WDR27: variants seen among roughly 807,000 people sequenced by gnomAD.
WDR27 encodes WD repeat domain 27, also known as WD repeat-containing protein 27.
In WDR27, 100 loss-of-function variants were observed where a neutral mutation model predicts 114.4. The ratio of observed to expected loss-of-function variants is 0.87; its 90% CI spans 0.74 to 1.03. The LOEUF (loss-of-function observed/expected upper bound fraction) is 1.03. WDR27 is among the 50% of genes least tolerant of loss of function. The pLI is 0.00. For synonymous variants in WDR27, 449 were observed against 423.1 expected, an observed-to-expected ratio of 1.06 and a Z score of -0.75; for missense variants, 1,129 against 1,092.9, an observed-to-expected ratio of 1.03 and a Z score of -0.47.
chr6:169,661,046 C>T (rs1259761566), intron 9 of WDR27, among the ~76,000 whole-genome samples: 1 of 152,170 alleles, frequency 6.6e-6, no homozygotes, highest in Non-Finnish European at 1.5e-5. Context: ...TGGCTGTGAG[C>T]TCTCCGCAGG....
chr6:169,689,140 T>C, intron 1 of WDR27, 128 bp from the exon 2 acceptor site: 1 of 542,926 alleles, frequency 1.8e-6, no homozygotes. Flanking sequence ...TTTATTCACC[T>C]CTCCTCATCC....
intron 25 of WDR27, among the ~76,000 whole-genome samples, chr6:169,564,845 G>C (rs924909073): frequency 3.4e-5 from 4 of 116,542 alleles, no homozygotes; most frequent in African/African-American, 9.2e-5. Context: ...ATGTGCCTCA[G>C]GTAACCAAAC....
At chr6:169,492,833 C>T (rs1789944644) in intron 25 of WDR27, among the ~76,000 whole-genome samples, 1 of 152,074 alleles carries the variant, frequency 6.6e-6, no homozygotes. Context: ...ATATCTACTA[C>T]ATAAGCCACT....
intron 21 of WDR27, among the ~76,000 whole-genome samples, chr6:169,625,700 G>A (rs1268011696): frequency 6.6e-6 from 1 of 152,190 alleles, no homozygotes; most frequent in East Asian, 1.9e-4. Context: ...TGCTCCATGG[G>A]GTCAGAGCTT....
chr6:169,541,402 T>C (rs1056002096), intron 25 of WDR27, among the ~76,000 whole-genome samples: 1 of 152,232 alleles, frequency 6.6e-6, no homozygotes, highest in South Asian at 2.1e-4. Context: ...TTGATAATTC[T>C]CTATGGGGAT....
chr6:169,591,202 T>A (rs781508209), intron 23 of WDR27, among the ~76,000 whole-genome samples: 3 of 152,178 alleles, frequency 2.0e-5, no homozygotes, highest in Non-Finnish European at 4.4e-5. Context: ...GACTTGCATT[T>A]CCCTGATGAT....
chr6:169,691,813 T>C (rs188454784), intron 1 of WDR27, among the ~76,000 whole-genome samples: 10 of 152,332 alleles, frequency 6.6e-5, no homozygotes, highest in Admixed American at 2.0e-4. Flanking sequence ...TTATCATTAT[T>C]ACAGTGACCC....
intron 25 of WDR27, among the ~76,000 whole-genome samples, chr6:169,520,149 G>A (rs566726855): frequency 3.3e-5 from 5 of 152,186 alleles, no homozygotes; most frequent in Middle Eastern, 3.4e-3. Flanking sequence ...ATACCAAATC[G>A]GAGTGGCTGC....
chr6:169,508,919 T>A (rs138553217), intron 25 of WDR27, among the ~76,000 whole-genome samples: 3 of 152,354 alleles, frequency 2.0e-5, no homozygotes, highest in African/African-American at 7.2e-5. Context: ...TGTCCTGAGC[T>A]GCCCTCCACA....
intron 25 of WDR27, among the ~76,000 whole-genome samples, chr6:169,563,949 T>C (rs1764198913): frequency 6.6e-6 from 1 of 152,154 alleles, no homozygotes; most frequent in African/African-American, 2.4e-5. Flanking sequence ...ACTCATAGGA[T>C]AGATGATGAG....
At position 169,684,825 on chromosome 6, in the gene WDR27, C is replaced by A. The variant is rs1782487647; in HGVS notation, c.189+3992G>T. Among the ~76,000 whole-genome samples the A allele has an allele frequency of 6.6e-6, 1 of 152,184 alleles. No homozygotes were observed. Among genetic ancestry groups the A allele is most frequent in the Admixed American group, 6.5e-5 (1 of 15,284 alleles). On this transcript the variant is annotated intron_variant, in intron 2 of 25. Transcript: ENST00000448612. This position sits in a 1 kb window ranked among gnomAD's most constrained non-coding sequence, Gnocchi z 4.3. ...GCTGGAGAAACAGCCCCAGGAGCTGCCCCAGCAGATATGTCCCCACGCTGG... is the reference window on the plus strand; with the variant it reads ...GCTGGAGAAACAGCCCCAGGAGCTGACCCAGCAGATATGTCCCCACGCTGG...
At chr6:169,474,757 A>AG in intron 25 of WDR27, among the ~76,000 whole-genome samples, 1 of 152,362 alleles carries the variant, frequency 6.6e-6, no homozygotes, top group Admixed American at 6.5e-5. Flanking sequence ...ATCATTATTA[A>AG]GGAAGAGCAA....
chr6:169,575,516 C>T (rs1802192046), intron 24 of WDR27, among the ~76,000 whole-genome samples: 1 of 152,100 alleles, frequency 6.6e-6, no homozygotes, highest in African/African-American at 2.4e-5. Context: ...TCTTATCGCT[C>T]CCAACACTGA....
At position 169,593,953 on chromosome 6, in the gene WDR27, G is replaced by A. The variant is rs1562651621; in HGVS notation, c.2424+8266C>T. On this transcript the variant is annotated intron_variant, in intron 23 of 25. Transcript: ENST00000448612. ...TTCTCTGTTTTCTAACTTATCACCT[G>A]CTTTTATCTCTATCCATTTATTTCT... Among the ~76,000 whole-genome samples, 5 of 152,098 alleles carry A rather than the reference G, an allele frequency of 3.3e-5. 1 individual carries two copies. Among genetic ancestry groups the A allele is most frequent in the Admixed American group, 3.3e-4 (5 of 15,252 alleles).
At chr6:169,521,523 T>C (rs1490622335) in intron 25 of WDR27, among the ~76,000 whole-genome samples, 4 of 152,136 alleles carry the variant, frequency 2.6e-5, no homozygotes, top group Admixed American at 1.3e-4. Context: ...ACTATAATTG[T>C]GGTGTTCAGT....
chr6:169,428,652 G>A, the WDR27 span, among the ~76,000 whole-genome samples: 3 of 152,122 alleles, frequency 2.0e-5, no homozygotes, highest in Admixed American at 6.5e-5. Context: ...GCACCACAGA[G>A]CTCTACAAGG....
chr6:169,450,242 C>T, the WDR27 span, among the ~76,000 whole-genome samples: 798 of 152,246 alleles, frequency 5.2e-3, 3 homozygotes, highest in Admixed American at 7.5e-3. Context: ...GTGCCAAATC[C>T]CCTGGAGAGA....
At chr6:169,540,553 C>T (rs1796716527) in intron 25 of WDR27, among the ~76,000 whole-genome samples, 1 of 151,950 alleles carries the variant, frequency 6.6e-6, no homozygotes, top group Non-Finnish European at 1.5e-5. Context: ...CCTCAGCCTC[C>T]TGAGTAGCTG....
chr6:169,660,892 C>T lies in WDR27; in HGVS notation c.1026-126G>A, dbSNP rs548949442. 2,540 of 787,048 alleles carry T rather than the reference C, an allele frequency of 3.2e-3. 13 individuals are homozygous for T. In the African/African-American group the frequency reaches 0.036, roughly 11 times the overall value. 48.8% of individuals were successfully genotyped at this position (787,048 alleles called of 1,614,324 possible). A position where few individuals can be genotyped will look rare whatever the true frequency, so the allele number is the denominator to read the frequency against. On this transcript the variant is annotated intron_variant, in intron 9 of 25. Coordinates refer to ENST00000448612, the MANE Select transcript of WDR27 (RefSeq NM_182552.5). ...TGGGGAGTGTGGGCGTTGGGCCCCA[C>T]GTGCGCCCCCTGGCCTGGCTGTGAG...
Sources: allele counts gnomAD v4.1 joint callset (sites outside exome capture counted in the v4.1 genomes callset), GRCh38; gene constraint gnomAD v4.1.1; non-coding constraint Gnocchi (gnomAD v3.1); transcripts MANE v1.5; gene names NCBI Gene and HGNC (gene_info 2026-07-23, HGNC 2026-07-21).